The following BBS9 variants were observed in gnomAD, a reference collection of about 807,000 sequenced individuals.
BBS9 encodes the protein protein PTHB1.
A neutral mutation model predicts 117.7 loss-of-function variants in BBS9; 89 were observed. That is an observed-to-expected ratio of 0.76 (90% confidence interval 0.64 to 0.90). The LOEUF (loss-of-function observed/expected upper bound fraction) is 0.90, where lower values mean the gene tolerates loss of function less well. Among genes scored for constraint, BBS9 ranks in the 40% least tolerant of loss-of-function variants. BBS9 has a pLI of 0.00. For synonymous variants in BBS9, 379 were observed against 370.9 expected (o/e 1.02, Z -0.25); for missense variants, 982 against 1,042.2 (o/e 0.94, Z 0.80).
chr7:33,303,522 T>TCCC (rs758450052), intron 9 of BBS9, among the ~76,000 whole-genome samples: 2,142 of 76,374 alleles, frequency 0.028, 99 homozygotes, highest in Non-Finnish European at 0.038. Flanking sequence ...AATGATCCCC[T>TCCC]CCCCCCGCCC....
intron 9 of BBS9, among the ~76,000 whole-genome samples, chr7:33,299,130 C>T (rs1478063660): frequency 6.6e-6 from 1 of 152,210 alleles, no homozygotes; most frequent in African/African-American, 2.4e-5. Context: ...ATCTAGCTAT[C>T]ATGCTTCAGC....
chr7:33,330,405 A>G (rs1042733676), intron 9 of BBS9, among the ~76,000 whole-genome samples: 6 of 152,122 alleles, frequency 3.9e-5, no homozygotes, highest in Admixed American at 1.3e-4. Context: ...TTGGTTGCCA[A>G]TGTTTTCTGA....
chr7:33,191,831 G>C (rs1277023487), intron 5 of BBS9, among the ~76,000 whole-genome samples: 2 of 151,970 alleles, frequency 1.3e-5, no homozygotes, highest in Non-Finnish European at 2.9e-5. Flanking sequence ...AATAATGTAA[G>C]TTATGATTTT....
intron 21 of BBS9, among the ~76,000 whole-genome samples, chr7:33,590,272 C>G (rs1426811983): frequency 6.6e-6 from 1 of 152,036 alleles, no homozygotes; most frequent in African/African-American, 2.4e-5. Context: ...TTCGGAGAAG[C>G]TTTGCTGCTA....
intron 21 of BBS9, among the ~76,000 whole-genome samples, chr7:33,626,505 AG>A (rs1399942242): frequency 6.6e-6 from 1 of 152,240 alleles, no homozygotes; most frequent in Non-Finnish European, 1.5e-5. Flanking sequence ...AAAAGGTAAC[AG>A]AAAGTTTGGA....
chr7:33,583,418 T>TTATA (rs552382124), intron 21 of BBS9, among the ~76,000 whole-genome samples: 1 of 152,080 alleles, frequency 6.6e-6, no homozygotes, highest in African/African-American at 2.4e-5. Flanking sequence ...TTGATTCTCT[T>TTATA]TATATATATA....
rs1432973012 is a variant in BBS9, at chr7:33,149,916, T to C, written c.113-2785T>C. ...AGGGCTATATTGACCTATCCATGAATCTTGGTTATTTAGTGAGTAAAAGTG... is the reference window on the plus strand; with the variant it reads ...AGGGCTATATTGACCTATCCATGAACCTTGGTTATTTAGTGAGTAAAAGTG... On this transcript the variant is annotated intron_variant, in intron 2 of 22. Coordinates refer to ENST00000242067, the MANE Select transcript of BBS9 (RefSeq NM_198428.3). 2.0e-5 allele frequency among the ~76,000 whole-genome samples: 3 copies of C among 152,218 alleles called. No individual in the cohort carries two copies. The East Asian group carries it at 5.8e-4, about 29-fold the overall frequency.
chr7:33,190,914 G>A (rs1487428956), intron 5 of BBS9, among the ~76,000 whole-genome samples: 2 of 152,188 alleles, frequency 1.3e-5, no homozygotes, highest in Non-Finnish European at 2.9e-5. Context: ...GTGAATCTGA[G>A]GACTTTGGAG....
chr7:33,566,733 T>G (rs548683369), intron 21 of BBS9, among the ~76,000 whole-genome samples: 67 of 149,944 alleles, frequency 4.5e-4, no homozygotes, highest in Non-Finnish European at 8.4e-4. Flanking sequence ...TTGCCAAAAG[T>G]TATAAAACAC....
chr7:33,414,212 C>T (rs1342403615), intron 19 of BBS9, among the ~76,000 whole-genome samples: 1 of 151,940 alleles, frequency 6.6e-6, no homozygotes, highest in Non-Finnish European at 1.5e-5. Flanking sequence ...CACATATCTT[C>T]ATTTTTCTAA....
chr7:33,445,580 T>C (rs765784637), intron 19 of BBS9, among the ~76,000 whole-genome samples: 6 of 152,244 alleles, frequency 3.9e-5, no homozygotes, highest in Non-Finnish European at 8.8e-5. Context: ...GTTGGAATGT[T>C]CTCTGTTTAT....
intron 19 of BBS9, among the ~76,000 whole-genome samples, chr7:33,439,762 C>T (rs1011057291): frequency 4.6e-5 from 7 of 152,150 alleles, no homozygotes; most frequent in Non-Finnish European, 1.0e-4. Flanking sequence ...CTCCTGACCT[C>T]GTGGTCCACC....
chr7:33,387,128 A>C (rs573676448), intron 18 of BBS9, among the ~76,000 whole-genome samples: 1 of 152,152 alleles, frequency 6.6e-6, no homozygotes, highest in African/African-American at 2.4e-5. Context: ...ATTGATGGGA[A>C]TTTTGATTAT....
At chr7:33,394,832 T>C (rs1827672213) in intron 19 of BBS9, among the ~76,000 whole-genome samples, 1 of 152,220 alleles carries the variant, frequency 6.6e-6, no homozygotes, top group Non-Finnish European at 1.5e-5. Context: ...GTAAATTTTA[T>C]TTATTACTTC....
intron 5 of BBS9, among the ~76,000 whole-genome samples, chr7:33,191,255 GAA>G (rs753195324): frequency 1.6e-4 from 24 of 152,118 alleles, no homozygotes; most frequent in Non-Finnish European, 3.2e-4. Context: ...AAAACAGGCT[GAA>G]AATATCCTTA....
In BBS9 at chr7:33,585,506, G is replaced by C. The variant is rs561767820; in HGVS notation, c.2522-19359G>C. 2.0e-5 allele frequency among the ~76,000 whole-genome samples: 3 copies of C among 152,120 alleles called. No homozygotes were observed. In the East Asian group the frequency reaches 5.8e-4, roughly 29 times the overall value. On this transcript the variant is annotated intron_variant, in intron 21 of 22. Transcript: ENST00000242067. Reference sequence around the variant, plus strand: ...GAATTCAAGTTCTCCCAATCACTATGTATGTGACTTTGAGCAAGTCACTTA... The same window carrying C: ...GAATTCAAGTTCTCCCAATCACTATCTATGTGACTTTGAGCAAGTCACTTA...
chr7:33,615,375 T>C (rs188502117), intron 21 of BBS9, among the ~76,000 whole-genome samples: 1 of 152,056 alleles, frequency 6.6e-6, no homozygotes, highest in East Asian at 1.9e-4. Flanking sequence ...CTAGAACAAA[T>C]GGGCAATGTA....
intron 20 of BBS9, among the ~76,000 whole-genome samples, chr7:33,524,789 A>G (rs923183029): frequency 1.3e-5 from 2 of 152,074 alleles, no homozygotes; most frequent in African/African-American, 4.8e-5. Context: ...GCCTTCTTCT[A>G]GCTTTTGAAT....
intron 4 of BBS9, among the ~76,000 whole-genome samples, chr7:33,166,030 T>A (rs1795624188): frequency 6.6e-6 from 1 of 152,208 alleles, no homozygotes; most frequent in Admixed American, 6.5e-5. Context: ...GGTGTGGATG[T>A]CCTTTTTGTT....
Sources: gnomAD v4.1 joint callset for allele counts (sites outside exome capture counted in the v4.1 genomes callset) on GRCh38, gnomAD v4.1.1 for gene constraint, MANE v1.5 for transcripts, NCBI Gene and HGNC (gene_info 2026-07-23, HGNC 2026-07-21) for gene names.